FRMD4B: variants seen among roughly 807,000 people sequenced by gnomAD.
FRMD4B encodes the protein FERM domain-containing protein 4B.
FRMD4B carries 74 observed loss-of-function variants against 141.5 expected under a neutral mutation model. That is an observed-to-expected ratio of 0.52 (90% CI 0.43 to 0.63). FRMD4B has a LOEUF of 0.63. Ranked by LOEUF, FRMD4B falls within the 30% of genes least tolerant of loss-of-function variation. The pLI, the probability that FRMD4B is intolerant of heterozygous loss-of-function variation, is 0.00. For synonymous variants in FRMD4B, 506 were observed against 467.9 expected (o/e 1.08, Z -1.05); for missense variants, 1,366 against 1,253.4 (o/e 1.09, Z -1.36).
rs1200384311 is a variant in FRMD4B, at chr3:69,216,364, A to G, written c.790-15T>C. On this transcript the variant is annotated splice_polypyrimidine_tract_variant and intron_variant, in intron 10 of 22. Coordinates refer to ENST00000398540, the MANE Select transcript of FRMD4B (RefSeq NM_015123.3). ...CCTTGCTTATCCTAGAAGATGAAAA[A>G]GCATGAGAACCAAGACCTAGCTGTT... 15 of 1,384,442 alleles carry G rather than the reference A, an allele frequency of 1.1e-5. No homozygotes were observed. The highest frequency in any genetic ancestry group is 1.5e-5 in the Non-Finnish European group (15 of 987,184). 85.8% of individuals were successfully genotyped at this position (1,384,442 alleles called of 1,614,324 possible). A position where few individuals can be genotyped will look rare whatever the true frequency, so the allele number is the denominator to read the frequency against.
intron 1 of FRMD4B, among the ~76,000 whole-genome samples, chr3:69,507,062 G>T (rs1706608039): frequency 6.6e-6 from 1 of 152,108 alleles, no homozygotes; most frequent in South Asian, 2.1e-4. Context: ...ATATAGGGAT[G>T]TGTATTCTGA....
intron 3 of FRMD4B, among the ~76,000 whole-genome samples, chr3:69,307,612 T>C (rs1048680721): frequency 1.3e-5 from 2 of 152,182 alleles, no homozygotes; most frequent in African/African-American, 4.8e-5. Context: ...GTGTTGAGAT[T>C]ACAGGCGTGA....
intron 2 of FRMD4B, among the ~76,000 whole-genome samples, chr3:69,428,777 C>T (rs1705127404): frequency 6.6e-6 from 1 of 152,066 alleles, no homozygotes; most frequent in Non-Finnish European, 1.5e-5. Context: ...GCAACCATCA[C>T]TCTCATCCTT....
intron 1 of FRMD4B, among the ~76,000 whole-genome samples, chr3:69,458,103 G>C (rs7631325): frequency 0.33 from 49,961 of 152,026 alleles, 8,366 homozygotes; most frequent in African/African-American, 0.37. Context: ...CCTGTTTCAG[G>C]TTCTGCTTTG....
chr3:69,318,927 G>A (rs547595396), intron 1 of FRMD4B, among the ~76,000 whole-genome samples: 1 of 152,182 alleles, frequency 6.6e-6, no homozygotes, highest in Non-Finnish European at 1.5e-5. Context: ...TCACCCAAAT[G>A]TATGTATGAC....
chr3:69,288,241 G>A (rs1056592572), intron 4 of FRMD4B, among the ~76,000 whole-genome samples: 1 of 152,240 alleles, frequency 6.6e-6, no homozygotes, highest in Non-Finnish European at 1.5e-5. Context: ...CTACCTAACC[G>A]AACCCCAAAG....
intron 2 of FRMD4B, among the ~76,000 whole-genome samples, chr3:69,429,376 C>G (rs1259417175): frequency 6.6e-6 from 1 of 152,160 alleles, no homozygotes; most frequent in East Asian, 1.9e-4. Flanking sequence ...TTCTCATCAA[C>G]AGTATATGAG....
rs560803256 is a variant in FRMD4B, at chr3:69,242,976, G to A, written c.581+6250C>T. ...ACTACTGCACTCCAGCCTGGGCAAC[G>A]AGAGTGAAACTCTGTCTCAAAAAAA... On this transcript the variant is annotated intron_variant, in intron 7 of 22. Transcript: ENST00000398540. 1.8e-4 allele frequency among the ~76,000 whole-genome samples: 25 copies of A among 138,432 alleles called. No individual in the cohort carries two copies. In the South Asian group the frequency reaches 5.9e-3, roughly 33 times the overall value. 90.8% of individuals were successfully genotyped at this position (138,432 alleles called of 152,430 possible). A position where few individuals can be genotyped will look rare whatever the true frequency, so the allele number is the denominator to read the frequency against.
chr3:69,507,289 A>C (rs1171762889), intron 1 of FRMD4B, among the ~76,000 whole-genome samples: 1 of 152,182 alleles, frequency 6.6e-6, no homozygotes, highest in Non-Finnish European at 1.5e-5. Flanking sequence ...TTGCCTCTAA[A>C]ATTCTCTCTT....
chr3:69,287,840 A>T lies in FRMD4B; in HGVS notation c.417-4T>A. ...CGATATGCTCTCAATGTAAAACCTG[A>T]AAAACAGCAGAGGAGTTTGTTCCTT... On this transcript the variant is annotated splice_polypyrimidine_tract_variant and splice_region_variant and intron_variant, in intron 4 of 22. Transcript: ENST00000398540. 1.4e-6 allele frequency: 2 copies of T among 1,456,574 alleles called. No homozygotes were observed. Among genetic ancestry groups the T allele is most frequent in the Non-Finnish European group, 1.9e-6 (2 of 1,047,550 alleles). The allele number at this position is 1,456,574 out of a possible 1,614,324, so 90.2% of individuals were successfully genotyped here. A position where few individuals can be genotyped will look rare whatever the true frequency, so the allele number is the denominator to read the frequency against.
chr3:69,429,614 T>A (rs1288729362), intron 2 of FRMD4B, among the ~76,000 whole-genome samples: 1 of 152,000 alleles, frequency 6.6e-6, no homozygotes, highest in African/African-American at 2.4e-5. Context: ...CTATGACATA[T>A]CAGTACAAAA....
chr3:69,316,903 C>T (rs1701819284), intron 1 of FRMD4B, among the ~76,000 whole-genome samples: 1 of 152,182 alleles, frequency 6.6e-6, no homozygotes, highest in South Asian at 2.1e-4. Flanking sequence ...TGGTGGATGA[C>T]CTGAGGTCAG....
chr3:69,317,018 G>A (rs1701824684), intron 1 of FRMD4B, among the ~76,000 whole-genome samples: 1 of 152,082 alleles, frequency 6.6e-6, no homozygotes, highest in African/African-American at 2.4e-5. Flanking sequence ...AGCTACTTGG[G>A]AGGCTGAGGT....
intron 1 of FRMD4B, among the ~76,000 whole-genome samples, chr3:69,326,857 T>C (rs1048918862): frequency 6.6e-6 from 1 of 152,232 alleles, no homozygotes; most frequent in African/African-American, 2.4e-5. Flanking sequence ...CAGAAAAACA[T>C]GCAGGATATT....
chr3:69,479,954 A>G (rs1197019732), intron 1 of FRMD4B, among the ~76,000 whole-genome samples: 1 of 151,862 alleles, frequency 6.6e-6, no homozygotes, highest in Non-Finnish European at 1.5e-5. Context: ...CATTTCATTC[A>G]TTTCATCTTC....
chr3:69,519,799 T>C (rs553431038), intron 1 of FRMD4B, among the ~76,000 whole-genome samples: 1 of 151,816 alleles, frequency 6.6e-6, no homozygotes, highest in South Asian at 2.1e-4. Flanking sequence ...CCCTCCCATC[T>C]TTTCCCGAGT....
At chr3:69,485,540 C>A (rs1052810875) in intron 1 of FRMD4B, among the ~76,000 whole-genome samples, 1 of 152,210 alleles carries the variant, frequency 6.6e-6, no homozygotes, top group African/African-American at 2.4e-5. Context: ...ACAGCTTGGG[C>A]AGCTGCAGAT....
At chr3:69,471,373 A>T (rs1301485422) in intron 1 of FRMD4B, 1 of 215,960 alleles carries the variant, frequency 4.6e-6, no homozygotes, top group Admixed American at 4.3e-5. Flanking sequence ...GTGTGTAAAG[A>T]TAGCCTCACT....
intron 1 of FRMD4B, among the ~76,000 whole-genome samples, chr3:69,512,130 G>T (rs544612079): frequency 1.9e-4 from 29 of 152,274 alleles, no homozygotes; most frequent in African/African-American, 6.3e-4. Flanking sequence ...AGCTGCAGAG[G>T]TAAGCAAGGA....
Sources: allele counts gnomAD v4.1 joint callset (sites outside exome capture counted in the v4.1 genomes callset), GRCh38; gene constraint gnomAD v4.1.1; transcripts MANE v1.5; gene names NCBI Gene and HGNC (gene_info 2026-07-23, HGNC 2026-07-21).